DNAH7: variants seen among roughly 807,000 people sequenced by gnomAD.
The protein encoded by DNAH7 is axonemal beta dynein heavy chain 7.
A neutral mutation model predicts 444.6 loss-of-function variants in DNAH7; 397 were observed. That is an observed-to-expected ratio of 0.89 (90% CI 0.82 to 0.97). The LOEUF (loss-of-function observed/expected upper bound fraction) is 0.97, where lower values mean the gene tolerates loss of function less well. Among genes scored for constraint, DNAH7 ranks in the 50% least tolerant of loss-of-function variants. DNAH7 has a pLI of 0.00. For missense variants in DNAH7, 4,902 were observed against 4,800.8 expected, an observed-to-expected ratio of 1.02 and a Z score of -0.62; for synonymous variants, 1,636 against 1,624.4, an observed-to-expected ratio of 1.01 and a Z score of -0.17.
intron 31 of DNAH7, among the ~76,000 whole-genome samples, chr2:195,891,098 T>C (rs1701988794): frequency 6.6e-6 from 1 of 152,210 alleles, no homozygotes; most frequent in Non-Finnish European, 1.5e-5. Flanking sequence ...GTAGGTTAAG[T>C]GCCCACTCTC....
Position 195,876,594 on chromosome 2 carries a change from A to G in DNAH7, c.6067T>C (p.Leu2023=), listed in dbSNP as rs746888137. 9 of 1,613,788 alleles carry G rather than the reference A, an allele frequency of 5.6e-6. 1 individual carries two copies. In the South Asian group the frequency reaches 6.6e-5, roughly 12 times the overall value. The change falls in exon 37 of 65, where the codon TTG becomes CTG. Residue 2023 remains leucine (L), a synonymous_variant. Transcript: ENST00000312428. ...AAAACTCCCTTTCTTCTCTTGTCCA[A>G]TTTTGACATGACAATATTCTGAGTT... is the stretch of plus-strand genomic sequence containing the variant. The part of the protein sequence containing the change: ...AQTQNIVMSK[L]DKRRKGVFGP...
rs1416645357 is a variant in DNAH7 at position 195,897,666 on chromosome 2, C to A, written c.4647+1G>T. On this transcript the variant is annotated splice_donor_variant, in intron 29 of 64. Coordinates refer to ENST00000312428, the MANE Select transcript of DNAH7 (RefSeq NM_018897.3). LOFTEE classifies it high-confidence loss of function. ...TGCATTGGGATAATGAATGTTCTTA[C>A]CTCAAAGAGTGGTAAATCATGGGAT... The A allele has an allele frequency of 1.3e-6, 2 of 1,555,226 alleles. No homozygotes were observed. Among genetic ancestry groups the A allele is most frequent in the Non-Finnish European group, 1.8e-6 (2 of 1,134,014 alleles).
At chr2:195,903,683 T>C (rs952096114) in intron 27 of DNAH7, 3 of 152,184 alleles carry the variant, frequency 2.0e-5, no homozygotes, top group South Asian at 2.1e-4. Context: ...ACAGTAAGTA[T>C]GATCTTCTCA....
At chr2:195,988,493 A>C (rs576524698) in intron 12 of DNAH7, among the ~76,000 whole-genome samples, 1 of 152,104 alleles carries the variant, frequency 6.6e-6, no homozygotes, top group Non-Finnish European at 1.5e-5. Context: ...GTCAATTGAA[A>C]ATATATACAA....
Position 196,068,728 on chromosome 2 carries a change from T to TG in DNAH7, c.-18dup. 1 of 1,551,078 alleles carries TG rather than the reference T, an allele frequency of 6.4e-7. No individual in the cohort carries two copies. On this transcript the variant is annotated 5_prime_UTR_variant, in exon 1 of 65. Transcript: ENST00000312428. ...ACTGCTCATGGCTGCGAGGACGCGC[T>TG]GGCCTCACCGGTGCTTCTGGGTTGC...
chr2:196,028,746 C>G (rs1180503683), intron 5 of DNAH7, among the ~76,000 whole-genome samples: 1 of 152,114 alleles, frequency 6.6e-6, no homozygotes, highest in Non-Finnish European at 1.5e-5. Flanking sequence ...GTATCATTCT[C>G]TGGATCTCAA....
At chr2:195,961,033 G>A in intron 17 of DNAH7, 88 bp from the exon 18 acceptor site, 2 of 1,153,308 alleles carry the variant, frequency 1.7e-6, no homozygotes, top group Middle Eastern at 3.0e-4. Flanking sequence ...TTTCAAATGT[G>A]AGCCAAAAAA....
intron 24 of DNAH7, among the ~76,000 whole-genome samples, chr2:195,915,254 G>A (rs1687603248): frequency 6.6e-6 from 1 of 152,196 alleles, no homozygotes; most frequent in African/African-American, 2.4e-5. Flanking sequence ...GGGAATGTCA[G>A]AGAAAGGCTA....
intron 19 of DNAH7, among the ~76,000 whole-genome samples, chr2:195,938,192 TTAATC>T (rs1467131882): frequency 6.6e-6 from 1 of 152,010 alleles, no homozygotes; most frequent in Non-Finnish European, 1.5e-5. Flanking sequence ...AAACAGCAAT[TTAATC>T]AAAGAAAATA....
chr2:195,953,941 G>A (rs1008329527), intron 19 of DNAH7, among the ~76,000 whole-genome samples: 1 of 152,182 alleles, frequency 6.6e-6, no homozygotes, highest in Admixed American at 6.5e-5. Flanking sequence ...GCTCTTTGGA[G>A]AGCATGAGCA....
intron 12 of DNAH7, among the ~76,000 whole-genome samples, chr2:195,999,422 T>C (rs1362535718): frequency 6.6e-6 from 1 of 152,144 alleles, no homozygotes; most frequent in African/African-American, 2.4e-5. Context: ...CACAAGAATA[T>C]GGAAACTCCA....
At chr2:195,913,866 C>T (rs1182715883) in intron 24 of DNAH7, among the ~76,000 whole-genome samples, 2 of 152,332 alleles carry the variant, frequency 1.3e-5, no homozygotes, top group Non-Finnish European at 2.9e-5. Flanking sequence ...CAGGTGCCCA[C>T]CACCATGCCC....
chr2:195,954,296 C>T (rs1028646141), intron 19 of DNAH7, among the ~76,000 whole-genome samples: 1 of 152,102 alleles, frequency 6.6e-6, no homozygotes, highest in East Asian at 1.9e-4. Context: ...CCTGTCCTTG[C>T]AATAGTTTGC....
At chr2:196,019,145 CCT>C in intron 9 of DNAH7, 23 bp downstream of exon 9, 2 of 1,400,944 alleles carry the variant, frequency 1.4e-6, no homozygotes, top group Non-Finnish European at 1.9e-6. Context: ...ATTTTAAAAA[CCT>C]CTATAAGGCC....
intron 46 of DNAH7, among the ~76,000 whole-genome samples, chr2:195,851,780 G>GT (rs1465726201): frequency 3.3e-5 from 5 of 152,202 alleles, no homozygotes; most frequent in Non-Finnish European, 5.9e-5. Context: ...ACAGGAGCCA[G>GT]TGCAGACACC....
At chr2:195,963,826 T>C (rs1360280589) in intron 17 of DNAH7, among the ~76,000 whole-genome samples, 1 of 152,258 alleles carries the variant, frequency 6.6e-6, no homozygotes, top group Non-Finnish European at 1.5e-5. Flanking sequence ...CTTCTGTATA[T>C]GAATATCCAG....
chr2:195,888,700 TCTG>T (rs931818021), intron 32 of DNAH7, 96 bp downstream of exon 32: 2 of 1,252,736 alleles, frequency 1.6e-6, no homozygotes, highest in African/African-American at 3.1e-5. Flanking sequence ...TAAAAGAAAT[TCTG>T]CTAATATTTT....
intron 24 of DNAH7, among the ~76,000 whole-genome samples, chr2:195,920,806 T>G (rs1342602801): frequency 6.6e-6 from 1 of 152,138 alleles, no homozygotes; most frequent in South Asian, 2.1e-4. Context: ...GAGAAAATAT[T>G]TGCAAACTAT....
intron 64 of DNAH7, among the ~76,000 whole-genome samples, chr2:195,739,752 T>C (rs1228448120): frequency 1.3e-5 from 2 of 152,178 alleles, no homozygotes; most frequent in African/African-American, 2.4e-5. Flanking sequence ...ATTGGCAGCA[T>C]TGTCACGCTC....
Sources: gnomAD v4.1 joint callset for allele counts (sites outside exome capture counted in the v4.1 genomes callset) on GRCh38, gnomAD v4.1.1 for gene constraint, MANE v1.5 for transcripts, NCBI Gene and HGNC (gene_info 2026-07-23, HGNC 2026-07-21) for gene names.